MECOM: variants seen among roughly 807,000 people sequenced by gnomAD.
MECOM encodes the protein histone-lysine N-methyltransferase MECOM.
In MECOM, 13 loss-of-function variants were observed where a neutral mutation model predicts 116.3. The ratio of observed to expected loss-of-function variants is 0.11; its 90% CI spans 0.07 to 0.18. The LOEUF is 0.18. MECOM is among the 10% of genes least tolerant of loss of function. The pLI, the probability that MECOM is intolerant of heterozygous loss-of-function variation, is 1.00. For synonymous variants in MECOM, 528 were observed against 535.2 expected, an observed-to-expected ratio of 0.99 and a Z score of 0.19; for missense variants, 1,299 against 1,509.0, an observed-to-expected ratio of 0.86 and a Z score of 2.31.
intron 2 of MECOM, chr3:169,147,661 A>G: frequency 1.0e-6 from 1 of 984,364 alleles, no homozygotes; most frequent in African/African-American, 1.8e-5. Context: ...GCCAGGCAGG[A>G]TTTCTTTCCC....
intron 1 of MECOM, among the ~76,000 whole-genome samples, chr3:169,610,318 G>A (rs1478479675): frequency 1.3e-5 from 2 of 152,168 alleles, no homozygotes; most frequent in East Asian, 3.8e-4. Flanking sequence ...ATCATGGGAT[G>A]TAATGGGGGA....
chr3:169,168,337 CTTTTT>C (rs1166736467), intron 2 of MECOM, among the ~76,000 whole-genome samples: 2 of 108,464 alleles, frequency 1.8e-5, no homozygotes, highest in East Asian at 2.8e-4. Flanking sequence ...ACTTGGCCTG[CTTTTT>C]TTTTTTTTTT....
chr3:169,180,091 G>A (rs1286153310), intron 2 of MECOM, among the ~76,000 whole-genome samples: 7 of 152,114 alleles, frequency 4.6e-5, no homozygotes, highest in East Asian at 1.9e-4. Flanking sequence ...TAGTTTTTCC[G>A]TTGTCTGGCA....
chr3:169,126,384 C>A (rs570439549), intron 5 of MECOM, among the ~76,000 whole-genome samples: 1 of 152,136 alleles, frequency 6.6e-6, no homozygotes, highest in Non-Finnish European at 1.5e-5. Flanking sequence ...ATTTCTGACA[C>A]CAGAGATATT....
chr3:169,254,225 G>T (rs142713521), intron 2 of MECOM, among the ~76,000 whole-genome samples: 4 of 152,218 alleles, frequency 2.6e-5, no homozygotes, highest in Non-Finnish European at 5.9e-5. Context: ...CTATGTCGTA[G>T]GGAGTCAGTC....
chr3:169,413,452 C>A (rs1455843096), intron 1 of MECOM, among the ~76,000 whole-genome samples: 1 of 151,514 alleles, frequency 6.6e-6, no homozygotes, highest in Non-Finnish European at 1.5e-5. Flanking sequence ...ACCAAGCTAG[C>A]TGCTAGCTGC....
chr3:169,445,731 C>G (rs571917937), intron 1 of MECOM, among the ~76,000 whole-genome samples: 58 of 152,282 alleles, frequency 3.8e-4, no homozygotes, highest in Admixed American at 1.5e-3. Flanking sequence ...TGCAGACAAT[C>G]AGTGCCAGCC....
intron 1 of MECOM, among the ~76,000 whole-genome samples, chr3:169,470,680 C>A (rs555489301): frequency 5.3e-5 from 8 of 152,094 alleles, no homozygotes; most frequent in African/African-American, 1.9e-4. Context: ...ATGTGAAAGC[C>A]TAGTAAGTCA....
chr3:169,304,167 C>T (rs548491518), intron 2 of MECOM, among the ~76,000 whole-genome samples: 7 of 152,316 alleles, frequency 4.6e-5, no homozygotes, highest in African/African-American at 1.7e-4. Context: ...TCAGAAAATA[C>T]TTTTAATAGT....
At chr3:169,580,130 G>A (rs555619738) in intron 1 of MECOM, among the ~76,000 whole-genome samples, 2 of 152,288 alleles carry the variant, frequency 1.3e-5, no homozygotes, top group Non-Finnish European at 2.9e-5. Context: ...TTTATTAGTA[G>A]ACTATTTGTC....
chr3:169,657,504 A>G (rs1775679561), intron 1 of MECOM, among the ~76,000 whole-genome samples: 1 of 152,246 alleles, frequency 6.6e-6, no homozygotes. Flanking sequence ...ATTTATTTAG[A>G]AACTTGTTAA....
intron 1 of MECOM, among the ~76,000 whole-genome samples, chr3:169,536,369 G>A (rs1208593560): frequency 6.3e-5 from 6 of 95,046 alleles, no homozygotes; most frequent in African/African-American, 2.3e-4. Context: ...TTTTTTTTTG[G>A]TATTCCTTTA....
intron 3 of MECOM, among the ~76,000 whole-genome samples, 165 bp downstream of exon 3, chr3:169,143,533 A>C (rs1169821058): frequency 6.6e-6 from 1 of 152,216 alleles, no homozygotes; most frequent in Non-Finnish European, 1.5e-5. Context: ...AAGTAGTACT[A>C]AATATGAATT....
chr3:169,322,521 C>T (rs1446470362), intron 2 of MECOM, among the ~76,000 whole-genome samples: 3 of 152,054 alleles, frequency 2.0e-5, no homozygotes, highest in Non-Finnish European at 4.4e-5. Flanking sequence ...CAAGCCTGAC[C>T]AAGACTTATC....
intron 2 of MECOM, among the ~76,000 whole-genome samples, chr3:169,279,129 T>G (rs1759970814): frequency 6.6e-6 from 1 of 152,190 alleles, no homozygotes; most frequent in Non-Finnish European, 1.5e-5. Flanking sequence ...TACTTTCAAT[T>G]TCTAAGCATT....
At chr3:169,108,594 C>T (rs1461605697) in intron 9 of MECOM, among the ~76,000 whole-genome samples, 2 of 152,100 alleles carry the variant, frequency 1.3e-5, no homozygotes, top group Non-Finnish European at 2.9e-5. Flanking sequence ...GTTATATACG[C>T]TTAAAAATAT....
At chr3:169,558,419 C>T (rs1053251938) in intron 1 of MECOM, among the ~76,000 whole-genome samples, 4 of 152,184 alleles carry the variant, frequency 2.6e-5, no homozygotes, top group South Asian at 2.1e-4. Context: ...CACCAGTAGA[C>T]GCCCATTCTC....
At chr3:169,205,528 T>C (rs1437980403) in intron 2 of MECOM, among the ~76,000 whole-genome samples, 1 of 152,160 alleles carries the variant, frequency 6.6e-6, no homozygotes, top group Non-Finnish European at 1.5e-5. Flanking sequence ...CGGGATCCCC[T>C]ATATATTGTA....
At chr3:169,227,587 C>T (rs1293655254) in intron 2 of MECOM, among the ~76,000 whole-genome samples, 4 of 152,172 alleles carry the variant, frequency 2.6e-5, no homozygotes, top group African/African-American at 9.7e-5. Flanking sequence ...CCCCAACCAT[C>T]TACCACAAAG....
Sources: gnomAD v4.1 joint callset for allele counts (sites outside exome capture counted in the v4.1 genomes callset) on GRCh38, gnomAD v4.1.1 for gene constraint, MANE v1.5 for transcripts, NCBI Gene and HGNC (gene_info 2026-07-23, HGNC 2026-07-21) for gene names.